The following PCDHA8 variants were observed in gnomAD, a reference collection of about 807,000 sequenced individuals.
PCDHA8 encodes protocadherin alpha-8.
Under a neutral mutation model 61.8 loss-of-function variants are expected in PCDHA8, and 53 were observed. The observed-to-expected ratio is 0.86, with a 90% CI of 0.69 to 1.08. The LOEUF is 1.08. Among genes scored for constraint, PCDHA8 ranks in the 50% least tolerant of loss-of-function variants. The probability of loss-of-function intolerance (pLI) is 0.00; values close to 1 mark genes in which losing one functional copy is unlikely to be tolerated. For missense variants in PCDHA8, 1,293 were observed against 1,245.0 expected, an observed-to-expected ratio of 1.04 and a Z score of -0.58; for synonymous variants, 618 against 556.6, an observed-to-expected ratio of 1.11 and a Z score of -1.55.
chr5:140,892,813 T>C (rs1335475161), intron 1 of PCDHA8, among the ~76,000 whole-genome samples: 1 of 152,228 alleles, frequency 6.6e-6, no homozygotes, highest in Non-Finnish European at 1.5e-5. Context: ...ACCATATTTA[T>C]CCTACAGTGC....
At chr5:140,985,127 C>T (rs986497777) in intron 3 of PCDHA8, among the ~76,000 whole-genome samples, 7 of 152,152 alleles carry the variant, frequency 4.6e-5, no homozygotes, top group Non-Finnish European at 1.0e-4. Flanking sequence ...TTAGTAAAGA[C>T]GGGGTTTCAC....
At chr5:140,952,242 C>T (rs1469286013) in intron 1 of PCDHA8, among the ~76,000 whole-genome samples, 2 of 151,750 alleles carry the variant, frequency 1.3e-5, no homozygotes, top group African/African-American at 4.8e-5. Context: ...CTGCTTAGAA[C>T]TGCTGGTGGA....
chr5:140,935,870 T>C (rs1486682424), intron 1 of PCDHA8, among the ~76,000 whole-genome samples: 1 of 151,620 alleles, frequency 6.6e-6, no homozygotes, highest in East Asian at 1.9e-4. Context: ...TAGCAATTAA[T>C]GAGCTCCAAT....
At chr5:140,957,189 G>T (rs1376112973) in intron 1 of PCDHA8, among the ~76,000 whole-genome samples, 1 of 152,174 alleles carries the variant, frequency 6.6e-6, no homozygotes, top group South Asian at 2.1e-4. Context: ...ATTGATGACC[G>T]ATTGGGAATA....
chr5:140,913,764 T>C (rs2076457452), intron 1 of PCDHA8, among the ~76,000 whole-genome samples: 1 of 152,162 alleles, frequency 6.6e-6, no homozygotes, highest in Admixed American at 6.5e-5. Flanking sequence ...TCATAGGTTT[T>C]GGCATGTTGT....
At chr5:140,988,014 A>G (rs782358781) in intron 3 of PCDHA8, among the ~76,000 whole-genome samples, 4 of 152,242 alleles carry the variant, frequency 2.6e-5, no homozygotes, top group African/African-American at 7.2e-5. Context: ...GAAAGAAAGC[A>G]TGATTCTTAA....
intron 1 of PCDHA8, chr5:140,883,882 C>T (rs200536915): frequency 6.8e-6 from 11 of 1,613,068 alleles, no homozygotes; most frequent in Middle Eastern, 1.7e-4. Flanking sequence ...TGAGCGCGCG[C>T]GACTCTGGCG....
rs782118774 is a variant in PCDHA8 at position 140,929,021 on chromosome 5, G to A, written c.2395-49928G>A. ...TTCGTGTGTACCAAGTTGCACCAGAGCCCAGGCTGTTGCGCTCAGAGCTGC... is the reference window on the plus strand; with the variant it reads ...TTCGTGTGTACCAAGTTGCACCAGAACCCAGGCTGTTGCGCTCAGAGCTGC... On this transcript the variant is annotated intron_variant, in intron 1 of 3. Coordinates refer to ENST00000531613, the MANE Select transcript of PCDHA8 (RefSeq NM_018911.3). 5 of 1,614,072 alleles carry A rather than the reference G, an allele frequency of 3.1e-6. No homozygotes were observed. In the African/African-American group the frequency reaches 6.7e-5, roughly 22 times the overall value.
intron 1 of PCDHA8, among the ~76,000 whole-genome samples, chr5:140,874,822 T>C (rs2055124014): frequency 6.6e-6 from 1 of 152,252 alleles, no homozygotes; most frequent in East Asian, 1.9e-4. Context: ...TTTATATAAA[T>C]GAAATATTGT....
intron 1 of PCDHA8, chr5:140,851,502 T>C (rs1581260413): frequency 6.6e-6 from 6 of 903,186 alleles, no homozygotes; most frequent in Middle Eastern, 1.2e-3. Context: ...TTTCAACTTA[T>C]ATAAAATATG....
Position 140,910,016 on chromosome 5 carries a change from G to C in PCDHA8, c.2394+66301G>C, listed in dbSNP as rs375687025. Among the ~76,000 whole-genome samples the C allele has an allele frequency of 3.5e-4, 54 of 152,290 alleles. No individual in the cohort carries two copies. The South Asian group carries it at 0.011, about 32-fold the overall frequency. ...ATAAATTGTTGTCAGTGTCATCCTT[G>C]TATCCCTGGGATAAATCCCACTTGG... On this transcript the variant is annotated intron_variant, in intron 1 of 3. Coordinates refer to ENST00000531613, the MANE Select transcript of PCDHA8 (RefSeq NM_018911.3).
intron 1 of PCDHA8, among the ~76,000 whole-genome samples, chr5:140,855,664 C>G (rs2043557127): frequency 6.7e-6 from 1 of 149,694 alleles, no homozygotes. Flanking sequence ...GAAGAAATCA[C>G]TACTCTGAGA....
intron 3 of PCDHA8, among the ~76,000 whole-genome samples, chr5:140,994,758 G>A (rs150618369): frequency 1.3e-5 from 2 of 152,248 alleles, no homozygotes; most frequent in East Asian, 3.9e-4. Flanking sequence ...GATGTGGAGA[G>A]GAAGAGAATT....
chr5:140,884,265 T>A, intron 1 of PCDHA8: 1 of 1,613,432 alleles, frequency 6.2e-7, no homozygotes, highest in Middle Eastern at 1.6e-4. Context: ...GCAACGGTGC[T>A]GTTGTCGCTG....
chr5:140,968,287 C>T lies in PCDHA8; in HGVS notation c.2395-10662C>T, dbSNP rs7712041. Reference sequence around the variant, plus strand: ...AGGAGAATGCAGAGGTGACCTACTCCCTTCTGGAGAGGGAGATTCAAGGGC... The same window carrying T: ...AGGAGAATGCAGAGGTGACCTACTCTCTTCTGGAGAGGGAGATTCAAGGGC... On this transcript the variant is annotated intron_variant, in intron 1 of 3. Coordinates refer to ENST00000531613, the MANE Select transcript of PCDHA8 (RefSeq NM_018911.3). The T allele has an allele frequency of 2.5e-3, 4,093 of 1,613,902 alleles. 64 individuals are homozygous for T. In the African/African-American group the frequency reaches 0.039, roughly 16 times the overall value.
intron 1 of PCDHA8, chr5:140,875,507 A>G: frequency 6.2e-7 from 1 of 1,613,674 alleles, no homozygotes. Context: ...CCGGGATCCC[A>G]GCGTCTGCTG....
intron 1 of PCDHA8, chr5:140,858,119 C>T (rs1444406371): frequency 4.4e-6 from 7 of 1,597,808 alleles, no homozygotes; most frequent in South Asian, 1.1e-5. Flanking sequence ...CGAGGTGGCC[C>T]TGGTGGATGT....
At chr5:140,864,401 G>T (rs570935613) in intron 1 of PCDHA8, 2 of 152,328 alleles carry the variant, frequency 1.3e-5, no homozygotes, top group South Asian at 4.1e-4. Context: ...ATGGTGATGA[G>T]CAGGGTTGAG....
At chr5:140,967,750 C>T (rs782284231) in intron 1 of PCDHA8, 3 of 1,614,072 alleles carry the variant, frequency 1.9e-6, no homozygotes, top group Non-Finnish European at 8.5e-7. Flanking sequence ...ATGAGGAAGC[C>T]TCCTCCTACC....
Sources: gnomAD v4.1 joint callset for allele counts (sites outside exome capture counted in the v4.1 genomes callset) on GRCh38, gnomAD v4.1.1 for gene constraint, MANE v1.5 for transcripts, NCBI Gene and HGNC (gene_info 2026-07-23, HGNC 2026-07-21) for gene names.